Variants in FBXO34 observed in about 807,000 individuals in gnomAD.
FBXO34 encodes the protein F-box protein 34.
FBXO34 carries 12 observed loss-of-function variants against 24.5 expected under a neutral mutation model. The observed-to-expected ratio is 0.49, with a 90% CI of 0.31 to 0.79. The LOEUF (loss-of-function observed/expected upper bound fraction) is 0.79. FBXO34 is among the 30% of genes least tolerant of loss of function. The pLI is 0.04. For missense variants in FBXO34, 823 were observed against 857.7 expected, an observed-to-expected ratio of 0.96 and a Z score of 0.51; for synonymous variants, 320 against 311.9, an observed-to-expected ratio of 1.03 and a Z score of -0.27.
the FBXO34 span, among the ~76,000 whole-genome samples, chr14:55,401,691 T>C: frequency 2.6e-5 from 4 of 152,276 alleles, no homozygotes; most frequent in South Asian, 6.2e-4. Flanking sequence ...AAACTGACTT[T>C]CCAGCAGTCC....
At chr14:55,369,894 C>G, downstream of FBXO34, 1 of 1,613,360 alleles carries the variant, frequency 6.2e-7, no homozygotes, top group Non-Finnish European at 8.5e-7. Context: ...ATGGACTCCT[C>G]AAGGTCTGCT....
chr14:55,391,091 A>G, the FBXO34 span: 1 of 776,426 alleles, frequency 1.3e-6, no homozygotes, highest in Non-Finnish European at 2.0e-6. Flanking sequence ...ATGTCAGAAA[A>G]CATAATGAAG....
At chr14:55,400,324 T>A in the FBXO34 span, among the ~76,000 whole-genome samples, 10 of 152,224 alleles carry the variant, frequency 6.6e-5, no homozygotes, top group African/African-American at 1.9e-4. Flanking sequence ...ATATAGTTTT[T>A]AAAAGTGTGT....
Position 55,352,462 on chromosome 14 carries a change from G to T in FBXO34, c.2072G>T (p.Cys691Phe). 6.2e-7 allele frequency: 1 copy of T among 1,614,024 alleles called. No individual in the cohort carries two copies. The highest frequency in any genetic ancestry group is 8.5e-7 in the Non-Finnish European group (1 of 1,179,942). ...GLHDNHWVPA[C>F]HSFNRAIHKK... The stretch of plus-strand genomic sequence containing the variant: ...CATGACAATCACTGGGTTCCTGCCT[G>T]CCACAGCTTTAATCGGGCAATCCAT... The change falls in exon 2 of 2, where the codon TGC becomes TTC. Residue 691 changes from cysteine to phenylalanine, a missense_variant. This residue lies in a region of FBXO34 where 130 missense variants were observed against 198.6 expected (regional missense o/e 0.65). Coordinates refer to ENST00000313833, the MANE Select transcript of FBXO34 (RefSeq NM_017943.4).
At chr14:55,288,546 T>C (rs1881839212) in intron 1 of FBXO34, among the ~76,000 whole-genome samples, 1 of 152,220 alleles carries the variant, frequency 6.6e-6, no homozygotes, top group South Asian at 2.1e-4. Flanking sequence ...GCCTGTTTGA[T>C]ACATTTCTCA....
At chr14:55,293,636 C>T (rs1248231864) in intron 1 of FBXO34, among the ~76,000 whole-genome samples, 2 of 151,372 alleles carry the variant, frequency 1.3e-5, no homozygotes, top group East Asian at 3.9e-4. Flanking sequence ...GCTTAATAAG[C>T]CAAGGAGTAG....
chr14:55,377,938 A>C, the FBXO34 span: 3 of 1,590,874 alleles, frequency 1.9e-6, no homozygotes, highest in Admixed American at 5.5e-5. Flanking sequence ...TAATATTTTC[A>C]ACTATTTAAC....
intron 1 of FBXO34, among the ~76,000 whole-genome samples, chr14:55,277,304 C>A (rs1881375936): frequency 6.6e-6 from 1 of 152,126 alleles, no homozygotes; most frequent in Non-Finnish European, 1.5e-5. Context: ...ATAGCCCTTG[C>A]TATATGATTT....
At chr14:55,277,985 C>T (rs905219801) in intron 1 of FBXO34, among the ~76,000 whole-genome samples, 4 of 151,990 alleles carry the variant, frequency 2.6e-5, no homozygotes, top group African/African-American at 9.6e-5. Flanking sequence ...AGAAACAAAC[C>T]CCTGAATGAC....
the FBXO34 span, among the ~76,000 whole-genome samples, chr14:55,398,197 C>T: frequency 1.8e-4 from 28 of 152,226 alleles, no homozygotes; most frequent in African/African-American, 6.0e-4. Context: ...GTGGTCTGCC[C>T]GCCTCTGCCT....
chr14:55,319,823 C>A (rs938292223), intron 1 of FBXO34, among the ~76,000 whole-genome samples: 4 of 152,068 alleles, frequency 2.6e-5, no homozygotes, highest in African/African-American at 9.7e-5. Flanking sequence ...CTATGGGTGC[C>A]CGCCACCACG....
the FBXO34 span, among the ~76,000 whole-genome samples, chr14:55,441,111 G>T: frequency 6.6e-6 from 1 of 152,164 alleles, no homozygotes; most frequent in African/African-American, 2.4e-5. Flanking sequence ...CTCCCAAAGT[G>T]CTGGGATTAC....
chr14:55,440,186 A>T, the FBXO34 span, among the ~76,000 whole-genome samples: 1 of 152,162 alleles, frequency 6.6e-6, no homozygotes, highest in Non-Finnish European at 1.5e-5. Context: ...ACGGTTCTGG[A>T]TTCGTGCTAG....
the FBXO34 span, chr14:55,414,274 CGTACTT>C: frequency 1.2e-6 from 1 of 861,098 alleles, no homozygotes; most frequent in Non-Finnish European, 1.8e-6. Flanking sequence ...TAATAAGTAA[CGTACTT>C]GTAACATCTA....
intron 1 of FBXO34, among the ~76,000 whole-genome samples, chr14:55,300,534 G>T (rs1014897742): frequency 6.6e-6 from 1 of 152,246 alleles, no homozygotes; most frequent in African/African-American, 2.4e-5. Context: ...GGCGGAGGTT[G>T]CAGTGAGCTG....
chr14:55,325,453 T>G lies in FBXO34; in HGVS notation c.-10-24928T>G, dbSNP rs562123272. Among the ~76,000 whole-genome samples, 28 of 151,782 alleles carry G rather than the reference T, an allele frequency of 1.8e-4. No individual in the cohort carries two copies. The South Asian group carries it at 2.5e-3, about 14-fold the overall frequency. On this transcript the variant is annotated intron_variant, in intron 1 of 1. Transcript: ENST00000313833. The stretch of plus-strand genomic sequence containing the variant: ...ATGTTTATTTTCTTTGGTCCTCTTA[T>G]TCCCTTCTTTTTTCTTGTAAACTAA...
At chr14:55,391,709 GCTAATGGA>G in the FBXO34 span, among the ~76,000 whole-genome samples, 1 of 152,098 alleles carries the variant, frequency 6.6e-6, no homozygotes, top group South Asian at 2.1e-4. Flanking sequence ...ATGGCTAGTG[GCTAATGGA>G]CTGGACAGCG....
At chr14:55,406,868 A>G in the FBXO34 span, among the ~76,000 whole-genome samples, 1 of 151,992 alleles carries the variant, frequency 6.6e-6, no homozygotes, top group African/African-American at 2.4e-5. Context: ...TATTTGCTTT[A>G]TATTTTTCTG....
chr14:55,442,799 G>C, the FBXO34 span, among the ~76,000 whole-genome samples: 12 of 152,030 alleles, frequency 7.9e-5, no homozygotes, highest in Admixed American at 4.6e-4. Flanking sequence ...AGACTGAATT[G>C]TTTCCCCCCA....
Sources: allele counts gnomAD v4.1 joint callset (sites outside exome capture counted in the v4.1 genomes callset), GRCh38; gene constraint gnomAD v4.1.1; regional missense constraint gnomAD v4.1.1; transcripts MANE v1.5; gene names NCBI Gene and HGNC (gene_info 2026-07-23, HGNC 2026-07-21).